The following BCAT1 variants were observed in gnomAD, a reference collection of about 807,000 sequenced individuals.
The protein encoded by BCAT1 is branched-chain-amino-acid aminotransferase, cytosolic.
Under a neutral mutation model 52.4 loss-of-function variants are expected in BCAT1, and 48 were observed. The ratio of observed to expected loss-of-function variants is 0.92; its 90% confidence interval spans 0.73 to 1.16. BCAT1 has a LOEUF of 1.16. BCAT1 is among the 50% of genes most tolerant of loss of function. BCAT1 has a pLI of 0.00. For missense variants in BCAT1, 451 were observed against 457.1 expected (o/e 0.99, Z 0.12); for synonymous variants, 167 against 161.3 (o/e 1.04, Z -0.27).
At position 24,887,080 on chromosome 12, in the gene BCAT1, A is replaced by AAATAT. The variant is rs1245203518; in HGVS notation, c.280-5670_280-5669insATATT. Among the ~76,000 whole-genome samples, 151 of 40,744 alleles carry AAATAT rather than the reference A, an allele frequency of 3.7e-3. 4 individuals are homozygous for AAATAT. The highest frequency in any genetic ancestry group is 0.011 in the African/African-American group (142 of 13,052). 26.7% of individuals were successfully genotyped at this position (40,744 alleles called of 152,430 possible). On this transcript the variant is annotated intron_variant, in intron 3 of 10. Coordinates refer to ENST00000261192, the MANE Select transcript of BCAT1 (RefSeq NM_005504.7). ...GCTAGCTAAAAAAAAAAAAAAAAAA[A>AAATAT]ATATATATATATATATATATATATA...
chr12:24,897,160 AG>A (rs746082615), intron 2 of BCAT1, among the ~76,000 whole-genome samples: 20 of 152,324 alleles, frequency 1.3e-4, no homozygotes, highest in Non-Finnish European at 2.6e-4. Flanking sequence ...TAAAAGGGGA[AG>A]GGTAGTAAAA....
rs1230687114 is a variant in BCAT1, at chr12:24,838,067, ATCTAGTGAG to A, written c.818-1480_818-1472del. 2.0e-5 allele frequency among the ~76,000 whole-genome samples: 3 copies of A among 152,056 alleles called. No individual in the cohort carries two copies. The East Asian group carries it at 5.8e-4, about 29-fold the overall frequency. On this transcript the variant is annotated intron_variant, in intron 7 of 10. Transcript: ENST00000261192. The stretch of plus-strand genomic sequence containing the variant: ...CCACTTCTGACACCCAGGAGTCTGA[ATCTAGTGAG>A]TCCTGACACTGAGGCCACCACCCTC...
chr12:24,843,767 T>C (rs1280489950), intron 6 of BCAT1, among the ~76,000 whole-genome samples: 1 of 152,156 alleles, frequency 6.6e-6, no homozygotes, highest in Non-Finnish European at 1.5e-5. Context: ...CTGATGACAA[T>C]ATAGCATCTT....
At position 24,878,515 on chromosome 12, in the gene BCAT1, A is replaced by G. The variant is rs6487436; in HGVS notation, c.510+15T>C. 0.85 allele frequency: 1,359,692 copies of G among 1,594,688 alleles called. 581,128 individuals carry two copies. Among genetic ancestry groups the G allele is most frequent in the East Asian group, 1 (44,577 of 44,622 alleles). On this transcript the variant is annotated intron_variant, in intron 5 of 10. Coordinates refer to ENST00000261192, the MANE Select transcript of BCAT1 (RefSeq NM_005504.7). ...TGCCCAGCAAAGTACCCCAAAATAA[A>G]GAGTCAGTTTGCACCTCAGTTCCAA...
At chr12:24,906,359 C>T (rs1943225294) in intron 1 of BCAT1, among the ~76,000 whole-genome samples, 1 of 151,964 alleles carries the variant, frequency 6.6e-6, no homozygotes, top group South Asian at 2.1e-4. Flanking sequence ...TGGTTTGGGA[C>T]CTATGATTTC....
intron 7 of BCAT1, among the ~76,000 whole-genome samples, chr12:24,837,386 C>A (rs979486412): frequency 1.3e-5 from 2 of 151,220 alleles, no homozygotes; most frequent in Non-Finnish European, 2.9e-5. Flanking sequence ...AAGAAGTGTG[C>A]GTGCCTACTC....
intron 1 of BCAT1, among the ~76,000 whole-genome samples, chr12:24,917,484 G>A (rs1300839308): frequency 6.6e-6 from 1 of 152,156 alleles, no homozygotes; most frequent in Non-Finnish European, 1.5e-5. Context: ...GCCCAGACGA[G>A]TTTTGGATGT....
At chr12:24,864,431 A>G (rs1039408870) in intron 5 of BCAT1, among the ~76,000 whole-genome samples, 15 of 152,216 alleles carry the variant, frequency 9.9e-5, no homozygotes, top group Admixed American at 9.8e-4. Context: ...TGAAGAGCTC[A>G]CACCAAGACA....
chr12:24,948,482 G>C (rs1408763766), intron 1 of BCAT1, among the ~76,000 whole-genome samples: 1 of 152,118 alleles, frequency 6.6e-6, no homozygotes, highest in Non-Finnish European at 1.5e-5. Flanking sequence ...CTCCACCCGG[G>C]TCAACTCTTC....
chr12:24,849,886 GT>G lies in BCAT1; in HGVS notation c.573del (p.Pro192LeufsTer20). The G allele has an allele frequency of 6.2e-7, 1 of 1,613,792 alleles. No homozygotes were observed. The highest frequency in any genetic ancestry group is 8.5e-7 in the Non-Finnish European group (1 of 1,179,794). ...TTAAAGGTTCCACTTGAAAAATAAG[GT>G]CCCACTGGGCTCAAGAGTACAAAGA... ...ALLFVLLSPV[G>X]PYFSSGTFNP... On this transcript the variant is annotated frameshift_variant, in exon 6 of 11. Transcript: ENST00000261192. LOFTEE classifies it high-confidence loss of function.
Position 24,837,133 on chromosome 12 carries a change from G to A in BCAT1, c.818-537C>T, listed in dbSNP as rs1240017249. The stretch of plus-strand genomic sequence containing the variant: ...AAAGAGAAGGAAGGGAGGAAGGGGG[G>A]AGGGAAGGAAGGAAAGTTATCTAAT... On this transcript the variant is annotated intron_variant, in intron 7 of 10. Transcript: ENST00000261192. Among the ~76,000 whole-genome samples the A allele has an allele frequency of 4.9e-5, 7 of 143,316 alleles. 2 individuals carry two copies. Among genetic ancestry groups the A allele is most frequent in the Admixed American group, 4.9e-4 (7 of 14,372 alleles). 94.0% of individuals were successfully genotyped at this position (143,316 alleles called of 152,430 possible). A position where few individuals can be genotyped will look rare whatever the true frequency, so the allele number is the denominator to read the frequency against.
chr12:24,904,029 T>C (rs553881831), intron 1 of BCAT1: 1 of 152,248 alleles, frequency 6.6e-6, no homozygotes, highest in Non-Finnish European at 1.5e-5. Flanking sequence ...ACTGTAGCTC[T>C]AATCTTATCA....
chr12:24,839,290 G>A (rs1380004678), intron 7 of BCAT1, among the ~76,000 whole-genome samples: 1 of 152,164 alleles, frequency 6.6e-6, no homozygotes, highest in Non-Finnish European at 1.5e-5. Context: ...AAGAGCAAGC[G>A]GTACAGACAT....
At chr12:24,838,328 G>C (rs1941068506) in intron 7 of BCAT1, among the ~76,000 whole-genome samples, 1 of 152,048 alleles carries the variant, frequency 6.6e-6, no homozygotes, top group African/African-American at 2.4e-5. Flanking sequence ...TTTGAATTTT[G>C]TTTCTGAAAA....
intron 1 of BCAT1, among the ~76,000 whole-genome samples, chr12:24,936,551 A>C (rs1373572948): frequency 6.6e-6 from 1 of 152,114 alleles, no homozygotes; most frequent in Non-Finnish European, 1.5e-5. Context: ...TTATTATCTT[A>C]TGGTTCTGGA....
chr12:24,899,601 T>C (rs1943040301), intron 2 of BCAT1, among the ~76,000 whole-genome samples: 1 of 152,156 alleles, frequency 6.6e-6, no homozygotes, highest in Non-Finnish European at 1.5e-5. Flanking sequence ...ATTACAGCAC[T>C]ATTCACAATA....
chr12:24,884,252 G>A (rs1942590905), intron 3 of BCAT1, among the ~76,000 whole-genome samples: 1 of 152,150 alleles, frequency 6.6e-6, no homozygotes, highest in African/African-American at 2.4e-5. Context: ...AGTACAGAAA[G>A]ACAAATACTG....
In BCAT1 at chr12:24,846,065, T is replaced by G. The variant is rs555667844; in HGVS notation, c.674+3721A>C. 4.9e-4 allele frequency among the ~76,000 whole-genome samples: 75 copies of G among 152,346 alleles called. 1 individual carries two copies. Among genetic ancestry groups the G allele is most frequent in the Middle Eastern group, 3.4e-3 (1 of 294 alleles). ...ATAGAGAATTCTTACAGGATGAATA[T>G]TTAGCCTTTCAAAGAAGCTTCTAAA... On this transcript the variant is annotated intron_variant, in intron 6 of 10. Transcript: ENST00000261192.
chr12:24,827,140 C>A (rs1940437367), intron 10 of BCAT1, among the ~76,000 whole-genome samples: 1 of 152,044 alleles, frequency 6.6e-6, no homozygotes, highest in Admixed American at 6.6e-5. Flanking sequence ...ATTTTTCCTG[C>A]CTATTTGCCC....
Sources: allele counts gnomAD v4.1 joint callset (sites outside exome capture counted in the v4.1 genomes callset), GRCh38; gene constraint gnomAD v4.1.1; transcripts MANE v1.5; gene names NCBI Gene and HGNC (gene_info 2026-07-23, HGNC 2026-07-21).